The following TIMP3 variants were observed in gnomAD, a reference collection of about 807,000 sequenced individuals.
TIMP3 encodes the protein TIMP metallopeptidase inhibitor 3.
Under a neutral mutation model 30.0 loss-of-function variants are expected in TIMP3, and 11 were observed. That is an observed-to-expected ratio of 0.37 (90% CI 0.23 to 0.61). The LOEUF is 0.61. TIMP3 is among the 20% of genes least tolerant of loss of function. TIMP3 has a pLI of 0.70. For synonymous variants in TIMP3, 112 were observed against 111.3 expected, an observed-to-expected ratio of 1.01 and a Z score of -0.04; for missense variants, 181 against 276.8, an observed-to-expected ratio of 0.65 and a Z score of 2.45.
intron 1 of TIMP3, among the ~76,000 whole-genome samples, chr22:32,818,550 G>A (rs534731209): frequency 2.0e-5 from 3 of 152,268 alleles, no homozygotes; most frequent in African/African-American, 7.2e-5. Flanking sequence ...CGCTTTCAGA[G>A]TATTTAAAGG....
chr22:32,859,746 C>T lies in TIMP3; in HGVS notation c.*369C>T. ...GTAATTCCCACCCCTCTTGCTTCTT[C>T]CCCACCTCACCATCTCCCAGACCCT... On this transcript the variant is annotated 3_prime_UTR_variant, in exon 5 of 5. Coordinates refer to ENST00000266085, the MANE Select transcript of TIMP3 (RefSeq NM_000362.5). 3.6e-6 allele frequency: 1 copy of T among 275,136 alleles called. No homozygotes were observed. Among genetic ancestry groups the T allele is most frequent in the Non-Finnish European group, 7.0e-6 (1 of 143,428 alleles). The allele number at this position is 275,136 out of a possible 1,614,324, so 17.0% of individuals were successfully genotyped here.
At position 32,861,073 on chromosome 22, in the gene TIMP3, C is replaced by G. The variant is rs921905301; in HGVS notation, c.*1696C>G. On this transcript the variant is annotated 3_prime_UTR_variant, in exon 5 of 5. Transcript: ENST00000266085. ...GATGGTGACATTGAACATGATTGCTCTCTGTCTCTTTTTTCAGCTTATGGG... is the reference window on the plus strand; with the variant it reads ...GATGGTGACATTGAACATGATTGCTGTCTGTCTCTTTTTTCAGCTTATGGG... 2.0e-5 allele frequency: 3 copies of G among 151,826 alleles called. No individual in the cohort carries two copies. Among genetic ancestry groups the G allele is most frequent in the African/African-American group, 7.3e-5 (3 of 41,166 alleles). 9.4% of individuals were successfully genotyped at this position (151,826 alleles called of 1,614,324 possible). A position where few individuals can be genotyped will look rare whatever the true frequency, so the allele number is the denominator to read the frequency against.
chr22:32,840,219 A>G (rs925726320), intron 1 of TIMP3, among the ~76,000 whole-genome samples: 1 of 152,204 alleles, frequency 6.6e-6, no homozygotes, highest in Non-Finnish European at 1.5e-5. Context: ...AGCCACAGGC[A>G]TTCATTTCTT....
At chr22:32,841,102 G>A (rs547491895) in intron 1 of TIMP3, among the ~76,000 whole-genome samples, 1 of 152,186 alleles carries the variant, frequency 6.6e-6, no homozygotes, top group Non-Finnish European at 1.5e-5. Flanking sequence ...TCTGTGTGTG[G>A]CACTTTATAC....
At chr22:32,846,916 T>G (rs2048080915) in intron 1 of TIMP3, among the ~76,000 whole-genome samples, 3 of 152,216 alleles carry the variant, frequency 2.0e-5, no homozygotes, top group African/African-American at 7.2e-5. Flanking sequence ...GCTCAGGCTA[T>G]TTGGGGTAAG....
chr22:32,830,448 C>G (rs2047539608), intron 1 of TIMP3, among the ~76,000 whole-genome samples: 1 of 152,200 alleles, frequency 6.6e-6, no homozygotes, highest in African/African-American at 2.4e-5. Context: ...ACCCCAGGTT[C>G]TCTGGTGCCC....
At position 32,861,480 on chromosome 22, in the gene TIMP3, C is replaced by T. The variant is rs56214022; in HGVS notation, c.*2103C>T. The T allele has an allele frequency of 5.1e-3, 784 of 152,368 alleles. 5 individuals carry two copies. Among genetic ancestry groups the T allele is most frequent in the Middle Eastern group, 0.017 (5 of 294 alleles). 9.4% of individuals were successfully genotyped at this position (152,368 alleles called of 1,614,324 possible). On this transcript the variant is annotated 3_prime_UTR_variant, in exon 5 of 5. Transcript: ENST00000266085. ...TGTCCTTATTTTAACCTCAAGGTCT[C>T]GCATGGTGGGGCCCCTGACCAACCT...
intron 1 of TIMP3, among the ~76,000 whole-genome samples, chr22:32,815,074 A>G (rs945617430): frequency 6.6e-6 from 1 of 152,230 alleles, no homozygotes; most frequent in Non-Finnish European, 1.5e-5. Flanking sequence ...GTTGCGTTTC[A>G]GCTACCTGTG....
rs2048416763 is a variant in TIMP3 at position 32,857,904 on chromosome 22, A to G, written c.317-113A>G. 4 of 1,539,782 alleles carry G rather than the reference A, an allele frequency of 2.6e-6. No individual in the cohort carries two copies. In the Admixed American group the frequency reaches 5.0e-5, roughly 19 times the overall value. Reference sequence around the variant, plus strand: ...GGGTGAAATAAAATCATGGGTCTGAAAAGTACCCAGCCACAGTGCCTGGGC... The same window carrying G: ...GGGTGAAATAAAATCATGGGTCTGAGAAGTACCCAGCCACAGTGCCTGGGC... On this transcript the variant is annotated intron_variant, in intron 3 of 4. Transcript: ENST00000266085.
rs1060198 is a variant in TIMP3, at chr22:32,859,690, C to G, written c.*313C>G. On this transcript the variant is annotated 3_prime_UTR_variant, in exon 5 of 5. Transcript: ENST00000266085. ...TATAATCTCTATTTTTTTAGGAAAA[C>G]AAAAATGAAAAACTACTCCATTTGA... 1 of 327,798 alleles carries G rather than the reference C, an allele frequency of 3.1e-6. No homozygotes were observed. The highest frequency in any genetic ancestry group is 2.2e-5 in the African/African-American group (1 of 46,188). 20.3% of individuals were successfully genotyped at this position (327,798 alleles called of 1,614,324 possible).
At chr22:32,849,375 C>A (rs2048154934) in intron 1 of TIMP3, 77 bp from the exon 2 acceptor site, 3 of 1,277,886 alleles carry the variant, frequency 2.3e-6, no homozygotes, top group Admixed American at 1.9e-5. Flanking sequence ...CAGAGGCTAG[C>A]GTGCCCGCCC....
chr22:32,808,213 C>CTCAGGT (rs1373579018), intron 1 of TIMP3, among the ~76,000 whole-genome samples: 4 of 152,178 alleles, frequency 2.6e-5, no homozygotes, highest in Admixed American at 6.5e-5. Flanking sequence ...CTTACATGGA[C>CTCAGGT]TCAGGTTCAA....
chr22:32,858,464 C>T (rs2048440346), intron 4 of TIMP3, among the ~76,000 whole-genome samples: 1 of 152,134 alleles, frequency 6.6e-6, no homozygotes, highest in South Asian at 2.1e-4. Flanking sequence ...CTGACACTGG[C>T]AGGTTCTCCC....
intron 1 of TIMP3, among the ~76,000 whole-genome samples, chr22:32,811,516 G>A (rs1251027967): frequency 6.6e-6 from 1 of 152,180 alleles, no homozygotes; most frequent in African/African-American, 2.4e-5. Flanking sequence ...ATCGTGGTTT[G>A]ATCCCCCCGC....
intron 1 of TIMP3, among the ~76,000 whole-genome samples, chr22:32,816,718 C>T (rs1200967508): frequency 6.6e-6 from 1 of 152,182 alleles, no homozygotes; most frequent in Non-Finnish European, 1.5e-5. Context: ...GGATCATCCT[C>T]TAATACCAAG....
At chr22:32,807,354 T>TA (rs1302257766) in intron 1 of TIMP3, among the ~76,000 whole-genome samples, 16 of 1,230 alleles carry the variant, frequency 0.013, no homozygotes, top group African/African-American at 0.018. Flanking sequence ...TATAAATATA[T>TA]AATATATAAT....
At chr22:32,823,344 G>A (rs906502426) in intron 1 of TIMP3, among the ~76,000 whole-genome samples, 6 of 152,142 alleles carry the variant, frequency 3.9e-5, no homozygotes, top group Non-Finnish European at 8.8e-5. Context: ...AGAGAATGCC[G>A]CAAGGGATGT....
chr22:32,831,506 C>T (rs956749577), intron 1 of TIMP3, among the ~76,000 whole-genome samples: 8 of 151,984 alleles, frequency 5.3e-5, no homozygotes, highest in Admixed American at 2.0e-4. Flanking sequence ...ATGTGGGGGT[C>T]GGAGTTGGGG....
chr22:32,823,914 G>A (rs991774718), intron 1 of TIMP3, among the ~76,000 whole-genome samples: 4 of 152,108 alleles, frequency 2.6e-5, no homozygotes, highest in African/African-American at 7.2e-5. Context: ...ACACCTATAT[G>A]TCTAAGGGTC....
Sources: allele counts gnomAD v4.1 joint callset (sites outside exome capture counted in the v4.1 genomes callset), GRCh38; gene constraint gnomAD v4.1.1; transcripts MANE v1.5; gene names NCBI Gene and HGNC (gene_info 2026-07-23, HGNC 2026-07-21).